ARL8A: variants seen among roughly 807,000 people sequenced by gnomAD.
The protein encoded by ARL8A is ARF like GTPase 8A.
A neutral mutation model predicts 31.2 loss-of-function variants in ARL8A; 10 were observed. That is an observed-to-expected ratio of 0.32 (90% confidence interval 0.20 to 0.54). ARL8A has a LOEUF of 0.54. ARL8A is among the 20% of genes least tolerant of loss of function. The probability of loss-of-function intolerance (pLI) is 0.93; values close to 1 mark genes in which losing one functional copy is unlikely to be tolerated. For missense variants in ARL8A, 129 were observed against 242.8 expected (o/e 0.53, Z 3.12); for synonymous variants, 70 against 86.9 (o/e 0.81, Z 1.08).
chr1:202,138,320 C>A lies in ARL8A; in HGVS notation c.204+48G>T. On this transcript the variant is annotated intron_variant, in intron 2 of 6. Transcript: ENST00000272217. This position sits in a 1 kb window ranked among gnomAD's most constrained non-coding sequence, Gnocchi z 4.4. The stretch of plus-strand genomic sequence containing the variant: ...ACACACACACACACACACACACACA[C>A]ACACACAAAAACAGTCCTCTGCACC... 7 of 1,496,438 alleles carry A rather than the reference C, an allele frequency of 4.7e-6. No homozygotes were observed. The highest frequency in any genetic ancestry group is 6.5e-6 in the Non-Finnish European group (7 of 1,076,108). 92.7% of individuals were successfully genotyped at this position (1,496,438 alleles called of 1,614,324 possible). A position where few individuals can be genotyped will look rare whatever the true frequency, so the allele number is the denominator to read the frequency against.
rs1274618888 is a variant in ARL8A, at chr1:202,135,232, CAGAGT to C, written c.441-17_441-13del. On this transcript the variant is annotated splice_polypyrimidine_tract_variant and intron_variant, in intron 5 of 6. Coordinates refer to ENST00000272217, the MANE Select transcript of ARL8A (RefSeq NM_138795.4). The surrounding 1 kb of genome is among the most constrained non-coding windows in gnomAD (Gnocchi z 5.3). Reference sequence around the variant, plus strand: ...TGGCAGACAGATTCCTGGGGGAAACCAGAGTAGAGTCCGCTGAGGCTACGAACGTC... The same window carrying C: ...TGGCAGACAGATTCCTGGGGGAAACCAGAGTCCGCTGAGGCTACGAACGTC... 1.2e-6 allele frequency: 2 copies of C among 1,612,928 alleles called. No homozygotes were observed. The highest frequency in any genetic ancestry group is 3.3e-5 in the Admixed American group (2 of 60,010).
Position 202,135,348 on chromosome 1 carries a change from G to T in ARL8A, c.440+111C>A. On this transcript the variant is annotated intron_variant, in intron 5 of 6. Transcript: ENST00000272217. The surrounding 1 kb of genome is among the most constrained non-coding windows in gnomAD (Gnocchi z 5.3). ...GAGGGTGAGGTGCCTGAAAAGGTCG[G>T]CTCTGCTGCCACCGTGTGGCTAATA... The T allele has an allele frequency of 6.7e-7, 1 of 1,483,664 alleles. No homozygotes were observed. Among genetic ancestry groups the T allele is most frequent in the Non-Finnish European group, 9.4e-7 (1 of 1,062,452 alleles). The allele number at this position is 1,483,664 out of a possible 1,614,324, so 91.9% of individuals were successfully genotyped here. A position where few individuals can be genotyped will look rare whatever the true frequency, so the allele number is the denominator to read the frequency against.
In ARL8A at chr1:202,144,479, C is replaced by A; in HGVS notation, c.94G>T (p.Gly32Cys). The change falls in exon 1 of 7, where the codon GGC becomes TGC. Residue 32 changes from glycine to cysteine, a missense_variant. Physicochemically the swap from Gly to Cys is radical, Grantham distance 159. Transcript: ENST00000272217. The surrounding 1 kb of genome is among the most constrained non-coding windows in gnomAD (Gnocchi z 5.2). The stretch of plus-strand genomic sequence containing the variant: ...ATCACGTTGACGAAGGTGGTCTTGC[C>A]CGAGTACTGAAGCCCGACCAGCGTG... Reference protein sequence around the residue: ...ELTLVGLQYSGKTTFVNVIAS... With the variant: ...ELTLVGLQYSCKTTFVNVIAS... 1 of 1,477,336 alleles carries A rather than the reference C, an allele frequency of 6.8e-7. No individual in the cohort carries two copies. The highest frequency in any genetic ancestry group is 1.1e-5 in the South Asian group (1 of 87,192). The allele number at this position is 1,477,336 out of a possible 1,614,324, so 91.5% of individuals were successfully genotyped here.
At position 202,134,857 on chromosome 1, in the gene ARL8A, A is replaced by G. The variant is rs1654960041; in HGVS notation, c.511+293T>C. Among the ~76,000 whole-genome samples the G allele has an allele frequency of 6.6e-6, 1 of 152,160 alleles. No homozygotes were observed. Among genetic ancestry groups the G allele is most frequent in the Admixed American group, 6.5e-5 (1 of 15,272 alleles). ...GCGGAATTCAGGTGCTGGGAAAGAG[A>G]CAGAGCCACAGCATGTCAGAGCCAG... is the stretch of plus-strand genomic sequence containing the variant. On this transcript the variant is annotated intron_variant, in intron 6 of 6. Transcript: ENST00000272217. This position sits in a 1 kb window ranked among gnomAD's most constrained non-coding sequence, Gnocchi z 4.2.
intron 3 of ARL8A, among the ~76,000 whole-genome samples, chr1:202,136,853 CTT>C (rs1031087380): frequency 1.1e-4 from 17 of 149,312 alleles, no homozygotes; most frequent in African/African-American, 4.0e-4. Context: ...TTTTTCTTTT[CTT>C]TTCTTTTCCT....
In ARL8A at chr1:202,144,704, G is replaced by A. The variant is rs563365801; in HGVS notation, c.-132C>T. ...TCGGTGCGGGCGGAGGCTCGAGCGC[G>A]GCTGCCGACGACTCGCTGCCCCGGA... On this transcript the variant is annotated 5_prime_UTR_variant, in exon 1 of 7. Coordinates refer to ENST00000272217, the MANE Select transcript of ARL8A (RefSeq NM_138795.4). This position sits in a 1 kb window ranked among gnomAD's most constrained non-coding sequence, Gnocchi z 5.2. 2.9e-3 allele frequency: 2,789 copies of A among 964,204 alleles called. 67 individuals are homozygous for A. The African/African-American group carries it at 0.046, about 16-fold the overall frequency. The allele number at this position is 964,204 out of a possible 1,614,324, so 59.7% of individuals were successfully genotyped here. A position where few individuals can be genotyped will look rare whatever the true frequency, so the allele number is the denominator to read the frequency against.
At chr1:202,136,563 G>A (rs1454313022) in intron 3 of ARL8A, among the ~76,000 whole-genome samples, 2 of 151,884 alleles carry the variant, frequency 1.3e-5, no homozygotes, top group Non-Finnish European at 1.5e-5. Context: ...ACAGGCATGA[G>A]CCACCGCATC....
Position 202,138,223 on chromosome 1 carries a change from C to T in ARL8A, c.204+145G>A. 1.7e-6 allele frequency: 2 copies of T among 1,160,050 alleles called. No homozygotes were observed. Among genetic ancestry groups the T allele is most frequent in the Middle Eastern group, 2.7e-4 (1 of 3,666 alleles). The allele number at this position is 1,160,050 out of a possible 1,614,324, so 71.9% of individuals were successfully genotyped here. ...AGTCTTCTACTGTCTTTTCCCAGCT[C>T]CTCAGCAGGGGGACCCTGGCCTCTG... On this transcript the variant is annotated intron_variant, in intron 2 of 6. Transcript: ENST00000272217. The surrounding 1 kb of genome is among the most constrained non-coding windows in gnomAD (Gnocchi z 4.4).
At chr1:202,139,474 G>A (rs560002091) in intron 1 of ARL8A, among the ~76,000 whole-genome samples, 102 of 151,682 alleles carry the variant, frequency 6.7e-4, no homozygotes, top group Non-Finnish European at 7.9e-4. Context: ...TTGGGAGGCT[G>A]AGGCAGGTGA....
chr1:202,136,365 C>T (rs958132153), intron 3 of ARL8A, among the ~76,000 whole-genome samples: 1 of 151,592 alleles, frequency 6.6e-6, no homozygotes, highest in East Asian at 1.9e-4. Context: ...CTGCCACCTC[C>T]GCCTGCCAGG....
Position 202,133,476 on chromosome 1 carries a change from A to G in ARL8A, c.*991T>C, listed in dbSNP as rs1654918618. The stretch of plus-strand genomic sequence containing the variant: ...GGAAGCAAAAAAATGTACAGTTACA[A>G]GAATCATTTTCCAAACAGAGGTTAA... On this transcript the variant is annotated 3_prime_UTR_variant, in exon 7 of 7. Coordinates refer to ENST00000272217, the MANE Select transcript of ARL8A (RefSeq NM_138795.4). 1 of 152,252 alleles carries G rather than the reference A, an allele frequency of 6.6e-6. No individual in the cohort carries two copies. Among genetic ancestry groups the G allele is most frequent in the Non-Finnish European group, 1.5e-5 (1 of 68,048 alleles). 9.4% of individuals were successfully genotyped at this position (152,252 alleles called of 1,614,324 possible). A position where few individuals can be genotyped will look rare whatever the true frequency, so the allele number is the denominator to read the frequency against.
At chr1:202,137,936 G>A in intron 3 of ARL8A, 29 bp downstream of exon 3, 1 of 1,613,386 alleles carries the variant, frequency 6.2e-7, no homozygotes, top group Non-Finnish European at 8.5e-7. Context: ...GGTAAGGCTG[G>A]AGTCTGGCGA....
intron 3 of ARL8A, 54 bp downstream of exon 3, chr1:202,137,911 G>A: frequency 6.3e-7 from 1 of 1,599,860 alleles, no homozygotes; most frequent in Non-Finnish European, 8.6e-7. Context: ...GAAGGTAGCA[G>A]GGCTAGGGGG....
At chr1:202,136,627 T>C (rs1655012837) in intron 3 of ARL8A, among the ~76,000 whole-genome samples, 1 of 152,092 alleles carries the variant, frequency 6.6e-6, no homozygotes, top group African/African-American at 2.4e-5. Context: ...TGGAGTGCAG[T>C]GGTGCAATTA....
At position 202,135,316 on chromosome 1, in the gene ARL8A, CA is replaced by C. The variant is rs1402233185; in HGVS notation, c.441-97del. 6.8e-7 allele frequency: 1 copy of C among 1,465,878 alleles called. No homozygotes were observed. The highest frequency in any genetic ancestry group is 1.7e-5 in the Admixed American group (1 of 59,460). 90.8% of individuals were successfully genotyped at this position (1,465,878 alleles called of 1,614,324 possible). On this transcript the variant is annotated intron_variant, in intron 5 of 6. Transcript: ENST00000272217. The surrounding 1 kb of genome is among the most constrained non-coding windows in gnomAD (Gnocchi z 5.3). The stretch of plus-strand genomic sequence containing the variant: ...GGCCTTTTTCTTACCTAAGAGGCTA[CA>C]AAGGGGAGGGTGAGGTGCCTGAAAA...
intron 1 of ARL8A, among the ~76,000 whole-genome samples, chr1:202,140,958 A>C (rs755128259): frequency 5.3e-5 from 8 of 152,200 alleles, no homozygotes; most frequent in Non-Finnish European, 1.2e-4. Context: ...TAGGAACTGT[A>C]AATAAGACTC....
chr1:202,144,578 C>T lies in ARL8A; in HGVS notation c.-6G>A. On this transcript the variant is annotated 5_prime_UTR_variant, in exon 1 of 7. Transcript: ENST00000272217. This position sits in a 1 kb window ranked among gnomAD's most constrained non-coding sequence, Gnocchi z 5.2. ...TTGTTGAACAAAGCGATCATGGTCG[C>T]TGCCGCCGGCCCCGCCCGGTGCCAG... is the stretch of plus-strand genomic sequence containing the variant. 7.0e-7 allele frequency: 1 copy of T among 1,421,874 alleles called. No homozygotes were observed. The allele number at this position is 1,421,874 out of a possible 1,614,324, so 88.1% of individuals were successfully genotyped here. A position where few individuals can be genotyped will look rare whatever the true frequency, so the allele number is the denominator to read the frequency against.
chr1:202,144,527 A>C lies in ARL8A; in HGVS notation c.46T>G (p.Phe16Val). 1 of 1,484,768 alleles carries C rather than the reference A, an allele frequency of 6.7e-7. No homozygotes were observed. Among genetic ancestry groups the C allele is most frequent in the Non-Finnish European group, 9.1e-7 (1 of 1,099,622 alleles). 92.0% of individuals were successfully genotyped at this position (1,484,768 alleles called of 1,614,324 possible). A position where few individuals can be genotyped will look rare whatever the true frequency, so the allele number is the denominator to read the frequency against. ...NKLLDWFKAL[F>V]WKEEMELTLV... ...GTGAGCTCCATCTCCTCCTTCCAGAATAGGGCCTTGAACCAGTCCAGCAGC... is the reference window on the plus strand; with the variant it reads ...GTGAGCTCCATCTCCTCCTTCCAGACTAGGGCCTTGAACCAGTCCAGCAGC... The change falls in exon 1 of 7, where the codon TTC becomes GTC. Residue 16 changes from phenylalanine to valine, a missense_variant. Phe to Val is a conservative substitution (Grantham distance 50). Coordinates refer to ENST00000272217, the MANE Select transcript of ARL8A (RefSeq NM_138795.4). The surrounding 1 kb of genome is among the most constrained non-coding windows in gnomAD (Gnocchi z 5.2).
intron 1 of ARL8A, among the ~76,000 whole-genome samples, chr1:202,142,375 C>T (rs1470246321): frequency 6.6e-6 from 1 of 152,220 alleles, no homozygotes; most frequent in African/African-American, 2.4e-5. Context: ...GGCATGGGAA[C>T]AGAGCCCAGG....
Sources: gnomAD v4.1 joint callset for allele counts (sites outside exome capture counted in the v4.1 genomes callset) on GRCh38, gnomAD v4.1.1 for gene constraint, Gnocchi (gnomAD v3.1) non-coding constraint, MANE v1.5 for transcripts, NCBI Gene and HGNC (gene_info 2026-07-23, HGNC 2026-07-21) for gene names.